The following IQCM variants were observed in gnomAD, a reference collection of about 807,000 sequenced individuals.
IQCM encodes the protein IQ motif containing M.
Under a neutral mutation model 57.6 loss-of-function variants are expected in IQCM, and 45 were observed. The ratio of observed to expected loss-of-function variants is 0.78; its 90% confidence interval spans 0.62 to 1.00. The LOEUF is 1.00. IQCM is among the 50% of genes least tolerant of loss of function. The pLI is 0.00. For missense variants in IQCM, 468 were observed against 511.6 expected (o/e 0.91, Z 0.82); for synonymous variants, 148 against 158.9 (o/e 0.93, Z 0.51).
chr4:149,680,294 T>A (rs1354043560), intron 7 of IQCM, among the ~76,000 whole-genome samples: 1 of 151,456 alleles, frequency 6.6e-6, no homozygotes, highest in Non-Finnish European at 1.5e-5. Context: ...GAGATACTTA[T>A]AATATCATAA....
In IQCM at chr4:149,656,626, T is replaced by C. The variant is rs1002162494; in HGVS notation, c.565+25492A>G. ...ATTGAGAATACCTCCTTCCTTTCCTTACTTCCTTCAGCTGCCTTCACAAAG... is the reference window on the plus strand; with the variant it reads ...ATTGAGAATACCTCCTTCCTTTCCTCACTTCCTTCAGCTGCCTTCACAAAG... On this transcript the variant is annotated intron_variant, in intron 7 of 13. Transcript: ENST00000636793. Among the ~76,000 whole-genome samples the C allele has an allele frequency of 2.0e-5, 3 of 152,150 alleles. No individual in the cohort carries two copies. The South Asian group carries it at 6.2e-4, about 31-fold the overall frequency.
intron 12 of IQCM, among the ~76,000 whole-genome samples, chr4:149,547,070 A>G (rs1355914483): frequency 7.2e-5 from 11 of 152,160 alleles, no homozygotes; most frequent in Non-Finnish European, 1.5e-4. Flanking sequence ...CCATTTATTA[A>G]ATAGGGAATC....
At chr4:149,738,502 T>C (rs1278923800) in intron 3 of IQCM, among the ~76,000 whole-genome samples, 1 of 152,178 alleles carries the variant, frequency 6.6e-6, no homozygotes, top group African/African-American at 2.4e-5. Flanking sequence ...CCATCACCTG[T>C]GGACCGTGGA....
At chr4:149,437,559 C>A (rs1403417337) in intron 12 of IQCM, among the ~76,000 whole-genome samples, 1 of 151,958 alleles carries the variant, frequency 6.6e-6, no homozygotes, top group African/African-American at 2.4e-5. Context: ...TTTCAGAGAA[C>A]TCAAAGTTCC....
At chr4:149,447,963 C>T (rs552671499) in intron 12 of IQCM, among the ~76,000 whole-genome samples, 2 of 151,434 alleles carry the variant, frequency 1.3e-5, no homozygotes, top group East Asian at 1.9e-4. Flanking sequence ...TTAAAATAAT[C>T]GAGAGAACAA....
chr4:149,551,665 GTAT>G (rs1208334175), intron 11 of IQCM, among the ~76,000 whole-genome samples: 1 of 152,040 alleles, frequency 6.6e-6, no homozygotes, highest in Non-Finnish European at 1.5e-5. Context: ...ATTTTGATAA[GTAT>G]TATGAAATCA....
At chr4:149,549,428 G>A (rs1485731775) in intron 11 of IQCM, among the ~76,000 whole-genome samples, 2 of 151,440 alleles carry the variant, frequency 1.3e-5, no homozygotes, top group African/African-American at 2.4e-5. Context: ...TGAGGCAGGA[G>A]AATGGCGTGA....
chr4:149,784,014 T>C (rs1771855077), intron 2 of IQCM, among the ~76,000 whole-genome samples: 1 of 152,178 alleles, frequency 6.6e-6, no homozygotes, highest in South Asian at 2.1e-4. Flanking sequence ...TTTTAAGACT[T>C]CAAAGCACAA....
intron 12 of IQCM, among the ~76,000 whole-genome samples, chr4:149,493,274 G>C (rs1742291871): frequency 6.6e-6 from 1 of 151,812 alleles, no homozygotes; most frequent in African/African-American, 2.4e-5. Context: ...AGGGGATCTA[G>C]AGGAGAAAAT....
At chr4:149,414,625 G>A (rs1733617281) in intron 13 of IQCM, among the ~76,000 whole-genome samples, 1 of 151,518 alleles carries the variant, frequency 6.6e-6, no homozygotes, top group Non-Finnish European at 1.5e-5. Flanking sequence ...CTTTTTAAGT[G>A]CCCCCATGAT....
intron 13 of IQCM, among the ~76,000 whole-genome samples, chr4:149,421,919 C>A (rs960158593): frequency 3.9e-5 from 6 of 151,952 alleles, no homozygotes; most frequent in East Asian, 1.9e-4. Flanking sequence ...AGGATTCTGG[C>A]AAACTATATT....
chr4:149,716,781 T>C (rs1207002640), intron 5 of IQCM, among the ~76,000 whole-genome samples: 1 of 152,222 alleles, frequency 6.6e-6, no homozygotes, highest in Admixed American at 6.5e-5. Flanking sequence ...AGGCAAAAGC[T>C]TGGAGTCATC....
At chr4:149,758,835 C>T (rs1242274289) in intron 2 of IQCM, among the ~76,000 whole-genome samples, 2 of 151,056 alleles carry the variant, frequency 1.3e-5, no homozygotes, top group Non-Finnish European at 3.0e-5. Context: ...GCAACAGGAA[C>T]TCACTCATTG....
At chr4:149,652,112 T>C (rs1166859805) in intron 7 of IQCM, among the ~76,000 whole-genome samples, 1 of 152,144 alleles carries the variant, frequency 6.6e-6, no homozygotes, top group Non-Finnish European at 1.5e-5. Flanking sequence ...CATGGAATAC[T>C]ACACAGCCAG....
chr4:149,406,005 C>T (rs1053352831), intron 13 of IQCM, among the ~76,000 whole-genome samples: 1 of 150,800 alleles, frequency 6.6e-6, no homozygotes, highest in Admixed American at 6.6e-5. Flanking sequence ...AATTATAATA[C>T]CACAGATATG....
intron 12 of IQCM, among the ~76,000 whole-genome samples, chr4:149,487,553 C>G (rs1009951473): frequency 6.6e-6 from 1 of 152,060 alleles, no homozygotes. Context: ...TTACCTAGGA[C>G]CCCAGGGCAC....
intron 2 of IQCM, among the ~76,000 whole-genome samples, chr4:149,743,761 G>A (rs1399986807): frequency 2.0e-5 from 3 of 152,146 alleles, no homozygotes; most frequent in Admixed American, 6.5e-5. Flanking sequence ...GGGTTCATTA[G>A]CTGAGCCCTT....
chr4:149,509,801 C>T (rs990797753), intron 12 of IQCM, among the ~76,000 whole-genome samples: 10 of 152,084 alleles, frequency 6.6e-5, no homozygotes, highest in African/African-American at 2.4e-4. Context: ...GTAAAATACT[C>T]TGGAAAGCCT....
intron 5 of IQCM, among the ~76,000 whole-genome samples, chr4:149,719,953 G>T (rs1252712753): frequency 1.3e-5 from 2 of 152,008 alleles, no homozygotes; most frequent in East Asian, 1.9e-4. Flanking sequence ...ACTGAGGAGG[G>T]TCTGCACTAC....
Sources: allele counts gnomAD v4.1 joint callset (sites outside exome capture counted in the v4.1 genomes callset), GRCh38; gene constraint gnomAD v4.1.1; transcripts MANE v1.5; gene names NCBI Gene and HGNC (gene_info 2026-07-23, HGNC 2026-07-21).